The following GRID2 variants were observed in gnomAD, a reference collection of about 807,000 sequenced individuals.
The protein encoded by GRID2 is glutamate receptor ionotropic, delta-2.
In GRID2, 33 loss-of-function variants were observed where a neutral mutation model predicts 114.8. The ratio of observed to expected loss-of-function variants is 0.29; its 90% CI spans 0.22 to 0.38. GRID2 has a LOEUF of 0.38. Among genes scored for constraint, GRID2 ranks in the 10% least tolerant of loss-of-function variants. The pLI is 1.00. For missense variants in GRID2, 1,184 were observed against 1,257.7 expected, an observed-to-expected ratio of 0.94 and a Z score of 0.89; for synonymous variants, 505 against 449.9, an observed-to-expected ratio of 1.12 and a Z score of -1.55.
intron 2 of GRID2, among the ~76,000 whole-genome samples, chr4:92,959,543 G>T (rs1752650008): frequency 6.6e-6 from 1 of 151,932 alleles, no homozygotes; most frequent in Admixed American, 6.6e-5. Flanking sequence ...CTACTATAAA[G>T]ACACATTCAC....
intron 2 of GRID2, among the ~76,000 whole-genome samples, chr4:93,037,479 A>G (rs776254349): frequency 2.0e-5 from 3 of 152,036 alleles, no homozygotes; most frequent in Non-Finnish European, 4.4e-5. Flanking sequence ...TTTTGTTGCT[A>G]TTGCTTGTGG....
At chr4:93,186,692 C>G (rs1340508371) in intron 4 of GRID2, among the ~76,000 whole-genome samples, 1 of 151,916 alleles carries the variant, frequency 6.6e-6, no homozygotes, top group African/African-American at 2.4e-5. Context: ...ATACTGATAT[C>G]TATTGATATA....
At chr4:93,111,101 G>C in intron 4 of GRID2, 148 bp downstream of exon 4, 1 of 619,602 alleles carries the variant, frequency 1.6e-6, no homozygotes, top group South Asian at 1.9e-5. Flanking sequence ...CATAGTGAAT[G>C]CCTCACTTAT....
chr4:93,141,653 AAACT>A (rs1189641096), intron 4 of GRID2, among the ~76,000 whole-genome samples: 1 of 152,250 alleles, frequency 6.6e-6, no homozygotes, highest in Non-Finnish European at 1.5e-5. Context: ...TGATTAAAAC[AAACT>A]AACTTATAGT....
intron 13 of GRID2, among the ~76,000 whole-genome samples, chr4:93,537,270 A>G (rs780121613): frequency 7.9e-5 from 12 of 151,692 alleles, no homozygotes; most frequent in Non-Finnish European, 1.8e-4. Context: ...TCGATTTATT[A>G]TTTTATGCCT....
At chr4:93,421,901 G>T (rs1768327541) in intron 9 of GRID2, among the ~76,000 whole-genome samples, 1 of 151,418 alleles carries the variant, frequency 6.6e-6, no homozygotes, top group South Asian at 2.1e-4. Context: ...AGAAATTTTA[G>T]CCTGCCCAGA....
At chr4:92,477,954 T>C (rs1722400371) in intron 1 of GRID2, among the ~76,000 whole-genome samples, 1 of 151,170 alleles carries the variant, frequency 6.6e-6, no homozygotes, top group African/African-American at 2.4e-5. Flanking sequence ...AGTTACATCT[T>C]TTACAGAACA....
chr4:93,048,201 G>A (rs929805773), intron 2 of GRID2, among the ~76,000 whole-genome samples: 4 of 152,062 alleles, frequency 2.6e-5, no homozygotes, highest in African/African-American at 9.7e-5. Context: ...TCAGATTTCA[G>A]CATCTGGGTG....
At chr4:92,439,008 C>G (rs544884994) in intron 1 of GRID2, among the ~76,000 whole-genome samples, 115 of 152,234 alleles carry the variant, frequency 7.6e-4, no homozygotes, top group African/African-American at 2.6e-3. Context: ...AGCAACATGG[C>G]TGTTTATTTC....
At chr4:92,575,795 G>C (rs7699810) in intron 1 of GRID2, among the ~76,000 whole-genome samples, 21,007 of 152,170 alleles carry the variant, frequency 0.14, 2,352 homozygotes, top group African/African-American at 0.31. Flanking sequence ...GACCAGCTGA[G>C]ATATTTGAAC....
rs1429050456 is a variant in GRID2, at chr4:92,941,251, TA to T, written c.245-143742del. On this transcript the variant is annotated intron_variant, in intron 2 of 15. Transcript: ENST00000282020. ...ATTATTGCCTCAATTTCAGATCCTGTAACTGGTCTATTCAGAGATTCAACTT... is the reference window on the plus strand; with the variant it reads ...ATTATTGCCTCAATTTCAGATCCTGTACTGGTCTATTCAGAGATTCAACTT... 3.3e-5 allele frequency among the ~76,000 whole-genome samples: 5 copies of T among 152,332 alleles called. No individual in the cohort carries two copies. In the East Asian group the frequency reaches 9.6e-4, roughly 29 times the overall value.
At chr4:93,661,394 G>A (rs543531556) in intron 14 of GRID2, among the ~76,000 whole-genome samples, 17 of 152,140 alleles carry the variant, frequency 1.1e-4, no homozygotes, top group Non-Finnish European at 2.1e-4. Flanking sequence ...TTTAGTTGGT[G>A]ACTTTGCTTT....
chr4:92,409,027 T>C (rs923361747), intron 1 of GRID2, among the ~76,000 whole-genome samples: 5 of 152,022 alleles, frequency 3.3e-5, no homozygotes, highest in African/African-American at 1.2e-4. Flanking sequence ...GTGGTGAGAG[T>C]GAGCGTACTT....
chr4:93,079,320 A>G (rs1287754368), intron 2 of GRID2, among the ~76,000 whole-genome samples: 1 of 151,978 alleles, frequency 6.6e-6, no homozygotes, highest in Non-Finnish European at 1.5e-5. Flanking sequence ...AGCTAAAACT[A>G]TAGAGAATCA....
At chr4:92,615,587 A>G (rs1401226949) in intron 2 of GRID2, among the ~76,000 whole-genome samples, 2 of 151,590 alleles carry the variant, frequency 1.3e-5, no homozygotes, top group Non-Finnish European at 3.0e-5. Flanking sequence ...TATGCCATTT[A>G]CTATAGGTGT....
At chr4:92,624,297 C>T (rs1209070593) in intron 2 of GRID2, among the ~76,000 whole-genome samples, 1 of 151,822 alleles carries the variant, frequency 6.6e-6, no homozygotes, top group East Asian at 1.9e-4. Flanking sequence ...GGCAGTCTGG[C>T]TCCAAAGCTG....
chr4:92,992,270 G>A lies in GRID2; in HGVS notation c.245-92725G>A, dbSNP rs191191310. On this transcript the variant is annotated intron_variant, in intron 2 of 15. Transcript: ENST00000282020. Reference sequence around the variant, plus strand: ...TTAACCACAAAATTTAGGTCAGAGGGGGGCATTATAGTGATGTCTCTGAGA... The same window carrying A: ...TTAACCACAAAATTTAGGTCAGAGGAGGGCATTATAGTGATGTCTCTGAGA... Among the ~76,000 whole-genome samples the A allele has an allele frequency of 5.1e-3, 771 of 152,148 alleles. 5 individuals are homozygous for A. Among genetic ancestry groups the A allele is most frequent in the Middle Eastern group, 0.014 (4 of 290 alleles).
intron 13 of GRID2, among the ~76,000 whole-genome samples, chr4:93,583,930 G>T (rs1398391954): frequency 6.6e-6 from 1 of 152,080 alleles, no homozygotes; most frequent in Non-Finnish European, 1.5e-5. Flanking sequence ...ACAAACCAAT[G>T]AACAAGACAT....
chr4:92,601,562 G>A (rs1729216167), intron 2 of GRID2, among the ~76,000 whole-genome samples: 1 of 151,908 alleles, frequency 6.6e-6, no homozygotes, highest in Non-Finnish European at 1.5e-5. Context: ...TAGCACTAAA[G>A]GCCCACATCA....
Sources: gnomAD v4.1 joint callset for allele counts (sites outside exome capture counted in the v4.1 genomes callset) on GRCh38, gnomAD v4.1.1 for gene constraint, MANE v1.5 for transcripts, NCBI Gene and HGNC (gene_info 2026-07-23, HGNC 2026-07-21) for gene names.